Variants in PELI2 observed in about 807,000 individuals in gnomAD.
PELI2 encodes the protein E3 ubiquitin-protein ligase pellino homolog 2.
A neutral mutation model predicts 42.3 loss-of-function variants in PELI2; 23 were observed. The observed-to-expected ratio is 0.54, with a 90% CI of 0.39 to 0.77. The LOEUF is 0.77. PELI2 is among the 30% of genes least tolerant of loss of function. The pLI is 0.00. For missense variants in PELI2, 463 were observed against 553.2 expected (o/e 0.84, Z 1.64); for synonymous variants, 245 against 212.2 (o/e 1.15, Z -1.34).
rs4038318 is a variant in PELI2, at chr14:56,197,969, G to GACACACAC, written c.207+19542_207+19549dup. Among the ~76,000 whole-genome samples, 43 of 129,762 alleles carry GACACACAC rather than the reference G, an allele frequency of 3.3e-4. No homozygotes were observed. Among genetic ancestry groups the GACACACAC allele is most frequent in the Admixed American group, 1.6e-3 (21 of 13,246 alleles). The allele number at this position is 129,762 out of a possible 152,430, so 85.1% of individuals were successfully genotyped here. A position where few individuals can be genotyped will look rare whatever the true frequency, so the allele number is the denominator to read the frequency against. On this transcript the variant is annotated intron_variant, in intron 2 of 5. Transcript: ENST00000267460. The surrounding 1 kb of genome is among the most constrained non-coding windows in gnomAD (Gnocchi z 4.9). ...CACACCAGGGATCATGACTGGTGAA[G>GACACACAC]ACACACACACACACACACACACACA...
chr14:56,282,598 CTT>C (rs999243914), intron 3 of PELI2, among the ~76,000 whole-genome samples: 1 of 151,720 alleles, frequency 6.6e-6, no homozygotes, highest in Non-Finnish European at 1.5e-5. Flanking sequence ...ACTAAATAAT[CTT>C]AGATAAAATA....
At chr14:56,276,259 T>A (rs1889287494) in intron 2 of PELI2, among the ~76,000 whole-genome samples, 1 of 152,196 alleles carries the variant, frequency 6.6e-6, no homozygotes, top group Non-Finnish European at 1.5e-5. Flanking sequence ...TAGACTTTAA[T>A]ACATGGAAAC....
chr14:56,160,918 CA>C (rs2139639022), intron 1 of PELI2, among the ~76,000 whole-genome samples: 1 of 152,326 alleles, frequency 6.6e-6, no homozygotes, highest in Admixed American at 6.5e-5. Flanking sequence ...ATCCCTCTCT[CA>C]TGATCCTTAG....
At chr14:56,153,479 C>G (rs947278156) in intron 1 of PELI2, among the ~76,000 whole-genome samples, 18 of 152,242 alleles carry the variant, frequency 1.2e-4, no homozygotes, top group African/African-American at 4.3e-4. Context: ...GCTGACAACT[C>G]TATTCTTTTA....
chr14:56,277,176 C>G (rs1040947211), intron 2 of PELI2, among the ~76,000 whole-genome samples: 1 of 152,160 alleles, frequency 6.6e-6, no homozygotes, highest in Non-Finnish European at 1.5e-5. Flanking sequence ...GGTCTGTGGC[C>G]TGTTTGGAAC....
chr14:56,210,451 A>T (rs1054532759), intron 2 of PELI2, among the ~76,000 whole-genome samples: 4 of 151,796 alleles, frequency 2.6e-5, no homozygotes, highest in African/African-American at 4.8e-5. Context: ...TCAACTATGT[A>T]CTTGTATTTC....
At chr14:56,189,428 A>G (rs1192086868) in intron 2 of PELI2, among the ~76,000 whole-genome samples, 2 of 152,204 alleles carry the variant, frequency 1.3e-5, no homozygotes, top group Admixed American at 6.5e-5. Flanking sequence ...CCTGGAAGTG[A>G]CATGCTTTTG....
At chr14:56,250,773 T>A (rs1888317462) in intron 2 of PELI2, among the ~76,000 whole-genome samples, 2 of 152,136 alleles carry the variant, frequency 1.3e-5, no homozygotes, top group Admixed American at 1.3e-4. Flanking sequence ...ACTCAAATGT[T>A]AATCTCCTTT....
intron 1 of PELI2, among the ~76,000 whole-genome samples, chr14:56,167,174 G>A (rs1308214403): frequency 6.6e-6 from 1 of 152,180 alleles, no homozygotes. Flanking sequence ...TCTGCTTAGT[G>A]TTCTATAATC....
intron 1 of PELI2, among the ~76,000 whole-genome samples, chr14:56,164,610 T>G (rs1001920815): frequency 6.6e-6 from 1 of 152,110 alleles, no homozygotes; most frequent in African/African-American, 2.4e-5. Flanking sequence ...TTGAGTAGGA[T>G]TGGTATTAGT....
chr14:56,262,359 G>T (rs968933359), intron 2 of PELI2, among the ~76,000 whole-genome samples: 1 of 152,026 alleles, frequency 6.6e-6, no homozygotes, highest in Non-Finnish European at 1.5e-5. Context: ...TAATGAATTA[G>T]ATCTGAATCC....
chr14:56,190,926 G>A (rs139462510), intron 2 of PELI2, among the ~76,000 whole-genome samples: 46 of 152,336 alleles, frequency 3.0e-4, no homozygotes, highest in African/African-American at 1.1e-3. Context: ...AAGTAAAAAT[G>A]TGTCCTCACT....
At chr14:56,174,395 T>A (rs760963516) in intron 1 of PELI2, among the ~76,000 whole-genome samples, 7 of 152,222 alleles carry the variant, frequency 4.6e-5, no homozygotes, top group Non-Finnish European at 1.0e-4. Context: ...TTTGCTTAAA[T>A]CTTACCAGAC....
rs138307416 is a variant in PELI2, at chr14:56,145,056, A to G, written c.77+26319A>G. On this transcript the variant is annotated intron_variant, in intron 1 of 5. Transcript: ENST00000267460. Reference sequence around the variant, plus strand: ...GTGTATTGCTATGAAGAACTTCCTGAGACTAGGTTCTTTATAAAGAAAAGA... The same window carrying G: ...GTGTATTGCTATGAAGAACTTCCTGGGACTAGGTTCTTTATAAAGAAAAGA... 6.0e-4 allele frequency: 340 copies of G among 569,736 alleles called. No individual in the cohort carries two copies. The East Asian group carries it at 7.9e-3, about 13-fold the overall frequency. The allele number at this position is 569,736 out of a possible 1,614,324, so 35.3% of individuals were successfully genotyped here. A position where few individuals can be genotyped will look rare whatever the true frequency, so the allele number is the denominator to read the frequency against.
chr14:56,259,486 G>A (rs1330182241), intron 2 of PELI2, among the ~76,000 whole-genome samples: 1 of 152,116 alleles, frequency 6.6e-6, no homozygotes, highest in Non-Finnish European at 1.5e-5. Flanking sequence ...AGGAATACAA[G>A]GTTGGTTAAT....
At chr14:56,218,702 CGTGTGTGTGT>C (rs111825772) in intron 2 of PELI2, among the ~76,000 whole-genome samples, 3 of 149,708 alleles carry the variant, frequency 2.0e-5, no homozygotes, top group Admixed American at 2.0e-4. Flanking sequence ...CACATGTGTG[CGTGTGTGTGT>C]GTGTGTGTGT....
chr14:56,169,894 G>A (rs1023905619), intron 1 of PELI2, among the ~76,000 whole-genome samples: 1 of 152,204 alleles, frequency 6.6e-6, no homozygotes, highest in Non-Finnish European at 1.5e-5. Flanking sequence ...AATAATAAGA[G>A]GGTTGGGACT....
chr14:56,231,459 C>T (rs1341593137), intron 2 of PELI2, among the ~76,000 whole-genome samples: 1 of 152,216 alleles, frequency 6.6e-6, no homozygotes, highest in Non-Finnish European at 1.5e-5. Context: ...GAAACTCACT[C>T]AAAACTGCTC....
intron 2 of PELI2, among the ~76,000 whole-genome samples, chr14:56,193,490 G>A (rs1467042052): frequency 6.6e-6 from 1 of 152,174 alleles, no homozygotes; most frequent in African/African-American, 2.4e-5. Flanking sequence ...GGACAGAAGG[G>A]AAATATTGTT....
Sources: gnomAD v4.1 joint callset for allele counts (sites outside exome capture counted in the v4.1 genomes callset) on GRCh38, gnomAD v4.1.1 for gene constraint, Gnocchi (gnomAD v3.1) non-coding constraint, MANE v1.5 for transcripts, NCBI Gene and HGNC (gene_info 2026-07-23, HGNC 2026-07-21) for gene names.